Variants in RUBCN observed in about 807,000 individuals in gnomAD.
RUBCN encodes the protein run domain Beclin-1-interacting and cysteine-rich domain-containing protein.
Under a neutral mutation model 113.2 loss-of-function variants are expected in RUBCN, and 74 were observed. That is an observed-to-expected ratio of 0.65 (90% confidence interval 0.54 to 0.79). RUBCN has a LOEUF of 0.79. Ranked by LOEUF, RUBCN falls within the 30% of genes least tolerant of loss-of-function variation. The probability of loss-of-function intolerance (pLI) is 0.00; values close to 1 mark genes in which losing one functional copy is unlikely to be tolerated. For synonymous variants in RUBCN, 480 were observed against 490.0 expected, an observed-to-expected ratio of 0.98 and a Z score of 0.27; for missense variants, 1,109 against 1,251.7, an observed-to-expected ratio of 0.89 and a Z score of 1.72.
In RUBCN at chr3:197,736,657, G is replaced by A; in HGVS notation, c.63C>T (p.Ser21=). The A allele has an allele frequency of 6.5e-7, 1 of 1,532,680 alleles. No homozygotes were observed. The allele number at this position is 1,532,680 out of a possible 1,614,324, so 94.9% of individuals were successfully genotyped here. ...CTCCGCGGCGGCTCCCAGCCCACCT[G>A]CTCTCCTCAGGCAGGCGCTCCTCGC... The part of the protein sequence containing the change: ...GGGEERLPEE[S]RREHWQLLGN... Residue 21 remains serine (S), a splice_region_variant and synonymous_variant, in exon 1 of 20, where the codon AGC becomes AGT. Coordinates refer to ENST00000296343, the MANE Select transcript of RUBCN (RefSeq NM_014687.4).
chr3:197,710,983 G>T (rs1724901601), intron 2 of RUBCN, among the ~76,000 whole-genome samples: 3 of 152,102 alleles, frequency 2.0e-5, no homozygotes. Context: ...ATGCCACTAA[G>T]CCCAGCTAAT....
rs1467379751 is a variant in RUBCN at position 197,674,996 on chromosome 3, G to A, written c.*22C>T. The A allele has an allele frequency of 9.3e-6, 15 of 1,608,516 alleles. No individual in the cohort carries two copies. Among genetic ancestry groups the A allele is most frequent in the Non-Finnish European group, 1.3e-5 (15 of 1,179,740 alleles). The stretch of plus-strand genomic sequence containing the variant: ...TGCAACAGGTGTGACCCGGCCCGGA[G>A]GGAGGGCTGCACGTGCTTTCTTCAG... On this transcript the variant is annotated 3_prime_UTR_variant, in exon 20 of 20. Transcript: ENST00000296343.
intron 5 of RUBCN, among the ~76,000 whole-genome samples, chr3:197,703,201 GT>G (rs1200786781): frequency 6.6e-6 from 1 of 151,402 alleles, no homozygotes; most frequent in African/African-American, 2.4e-5. Flanking sequence ...GATCGAGACC[GT>G]CCTGGCCAAC....
At chr3:197,689,145 C>T (rs1405146323) in intron 11 of RUBCN, among the ~76,000 whole-genome samples, 1 of 151,940 alleles carries the variant, frequency 6.6e-6, no homozygotes, top group East Asian at 1.9e-4. Flanking sequence ...CCCACCTCAG[C>T]CTCCAGAGTG....
intron 4 of RUBCN, among the ~76,000 whole-genome samples, chr3:197,704,111 C>G (rs1724014257): frequency 6.6e-6 from 1 of 152,132 alleles, no homozygotes; most frequent in African/African-American, 2.4e-5. Flanking sequence ...ATATATGTTT[C>G]TGAGTAGAAT....
In RUBCN at chr3:197,674,986, C is replaced by G. The variant is rs1368416788; in HGVS notation, c.*32G>C. 5.6e-6 allele frequency: 9 copies of G among 1,605,686 alleles called. No homozygotes were observed. Among genetic ancestry groups the G allele is most frequent in the Non-Finnish European group, 6.8e-6 (8 of 1,179,374 alleles). On this transcript the variant is annotated 3_prime_UTR_variant, in exon 20 of 20. Transcript: ENST00000296343. ...GGCTCAGTTCTGCAACAGGTGTGAC[C>G]CGGCCCGGAGGGAGGGCTGCACGTG...
At position 197,718,119 on chromosome 3, in the gene RUBCN, C is replaced by T. The variant is rs756017666; in HGVS notation, c.77G>A (p.Trp26Ter). The stretch of plus-strand genomic sequence containing the variant: ...CGTCTTCAAATTACCCAGCAACTGC[C>T]AGTGCTCCCTCCTGCAAGGGCATCA... ...RLPEESRREHWQLLGNLKTTV... is the reference protein window; with the variant it reads ...RLPEESRREH Residue 26 changes from tryptophan to a stop codon, truncating the protein, a stop_gained, in exon 2 of 20, where the codon TGG becomes TAG. Transcript: ENST00000296343. LOFTEE classifies it high-confidence loss of function. 1.2e-6 allele frequency: 2 copies of T among 1,614,208 alleles called. No individual in the cohort carries two copies. Among genetic ancestry groups the T allele is most frequent in the Non-Finnish European group, 1.7e-6 (2 of 1,180,036 alleles).
chr3:197,704,659 C>T lies in RUBCN; in HGVS notation c.346G>A (p.Ala116Thr). The change falls in exon 4 of 20, where the codon GCC (alanine) becomes ACC (threonine). Residue 116 changes from alanine (A) to threonine (T), a missense_variant. Transcript: ENST00000296343. ...HENDQSSADGASERAVAELWL... is the reference protein window; with the variant it reads ...HENDQSSADGTSERAVAELWL... The stretch of plus-strand genomic sequence containing the variant: ...AGCTCGGCAACAGCACGTTCACTGG[C>T]ACCATCAGCACTGCTCTGGTCGTTC... 6.2e-7 allele frequency: 1 copy of T among 1,614,154 alleles called. No individual in the cohort carries two copies. Among genetic ancestry groups the T allele is most frequent in the Non-Finnish European group, 8.5e-7 (1 of 1,180,024 alleles).
rs985354790 is a variant in RUBCN at position 197,670,129 on chromosome 3, C to T, written c.*4889G>A. Among the ~76,000 whole-genome samples the T allele has an allele frequency of 6.6e-6, 1 of 152,306 alleles. No homozygotes were observed. Among genetic ancestry groups the T allele is most frequent in the South Asian group, 2.1e-4 (1 of 4,822 alleles). The stretch of plus-strand genomic sequence containing the variant: ...GTCCCAATCTCTTGACCTCGTGATC[C>T]GCCCGCCTCGGCCTCCCAAAGTGCT... On this transcript the variant is annotated 3_prime_UTR_variant, in exon 20 of 20. Coordinates refer to ENST00000296343, the MANE Select transcript of RUBCN (RefSeq NM_014687.4).
chr3:197,708,267 C>T (rs112731698), intron 2 of RUBCN, among the ~76,000 whole-genome samples: 15,958 of 151,794 alleles, frequency 0.11, 1,056 homozygotes, highest in African/African-American at 0.18. Context: ...TCCCGAGTCG[C>T]GGGGATTACA....
intron 11 of RUBCN, among the ~76,000 whole-genome samples, chr3:197,689,869 C>T (rs1722234393): frequency 6.6e-6 from 1 of 152,168 alleles, no homozygotes; most frequent in Non-Finnish European, 1.5e-5. Context: ...ATGTCAACTA[C>T]AGCCACGCTA....
chr3:197,696,262 C>T (rs1330067463), intron 8 of RUBCN, among the ~76,000 whole-genome samples: 3 of 152,032 alleles, frequency 2.0e-5, no homozygotes, highest in African/African-American at 7.2e-5. Context: ...ATCCCAGCTA[C>T]TCAGGAGGCT....
At chr3:197,685,507 G>C (rs1721739937) in intron 11 of RUBCN, among the ~76,000 whole-genome samples, 1 of 152,070 alleles carries the variant, frequency 6.6e-6, no homozygotes, top group African/African-American at 2.4e-5. Flanking sequence ...AAATAAGATT[G>C]TGTCTTATTC....
In RUBCN at chr3:197,694,403, G is replaced by A; in HGVS notation, c.1656C>T (p.Leu552=). The change falls in exon 10 of 20, where the codon CTC becomes CTT. Residue 552 remains leucine (L), a synonymous_variant. Transcript: ENST00000296343. ...RRQQIRTKNL[L]PMYQEAEHGS... ...CGTGCTCAGCCTCCTGGTACATGGG[G>A]AGCAGGTTCTTGGTGCGGATTTGCT... The A allele has an allele frequency of 6.2e-7, 1 of 1,614,240 alleles. No individual in the cohort carries two copies. The highest frequency in any genetic ancestry group is 8.5e-7 in the Non-Finnish European group (1 of 1,180,048).
chr3:197,724,383 CTT>C (rs1159301935), intron 1 of RUBCN, among the ~76,000 whole-genome samples: 1 of 152,050 alleles, frequency 6.6e-6, no homozygotes, highest in East Asian at 1.9e-4. Flanking sequence ...ATGTGAGTAT[CTT>C]ATATGTGATA....
chr3:197,681,779 G>A lies in RUBCN; in HGVS notation c.2191+56C>T, dbSNP rs760814307. 4.1e-6 allele frequency: 6 copies of A among 1,468,792 alleles called. No individual in the cohort carries two copies. The highest frequency in any genetic ancestry group is 1.4e-5 in the African/African-American group (1 of 72,070). The allele number at this position is 1,468,792 out of a possible 1,614,324, so 91.0% of individuals were successfully genotyped here. A position where few individuals can be genotyped will look rare whatever the true frequency, so the allele number is the denominator to read the frequency against. On this transcript the variant is annotated intron_variant, in intron 15 of 19. Coordinates refer to ENST00000296343, the MANE Select transcript of RUBCN (RefSeq NM_014687.4). The surrounding 1 kb of genome is among the most constrained non-coding windows in gnomAD (Gnocchi z 5.5). Reference sequence around the variant, plus strand: ...TTTGACACGCCACCTCTCCCTACGTGTCGGGGAGGGTACAGAGCCTCTGGA... The same window carrying A: ...TTTGACACGCCACCTCTCCCTACGTATCGGGGAGGGTACAGAGCCTCTGGA...
intron 2 of RUBCN, among the ~76,000 whole-genome samples, chr3:197,712,246 G>A (rs2108941063): frequency 6.6e-6 from 1 of 152,188 alleles, no homozygotes. Context: ...CTTCTGGAAG[G>A]ACTAAAAAGG....
At position 197,675,293 on chromosome 3, in the gene RUBCN, C is replaced by T. The variant is rs778686899; in HGVS notation, c.2741-97G>A. On this transcript the variant is annotated intron_variant, in intron 19 of 19. Transcript: ENST00000296343. This position sits in a 1 kb window ranked among gnomAD's most constrained non-coding sequence, Gnocchi z 4.4. ...CCACAGCCCCTTCTCGCCACCAAGG[C>T]GTGGTGTCCCCTGGGGAGGCCCCGC... 302 of 1,543,836 alleles carry T rather than the reference C, an allele frequency of 2.0e-4. No individual in the cohort carries two copies. Among genetic ancestry groups the T allele is most frequent in the Non-Finnish European group, 1.9e-4 (208 of 1,117,526 alleles).
At chr3:197,723,981 C>A (rs944287474) in intron 1 of RUBCN, among the ~76,000 whole-genome samples, 18 of 152,068 alleles carry the variant, frequency 1.2e-4, no homozygotes, top group African/African-American at 3.1e-4. Context: ...GCCTGTAATC[C>A]CAGCTACTCG....
Sources: allele counts gnomAD v4.1 joint callset (sites outside exome capture counted in the v4.1 genomes callset), GRCh38; gene constraint gnomAD v4.1.1; non-coding constraint Gnocchi (gnomAD v3.1); transcripts MANE v1.5; gene names NCBI Gene and HGNC (gene_info 2026-07-23, HGNC 2026-07-21).